USP34: variants seen among roughly 807,000 people sequenced by gnomAD.
USP34 encodes ubiquitin carboxyl-terminal hydrolase 34.
A neutral mutation model predicts 460.3 loss-of-function variants in USP34; 70 were observed. That is an observed-to-expected ratio of 0.15 (90% CI 0.13 to 0.19). The LOEUF is 0.19. USP34 is among the 10% of genes least tolerant of loss of function. USP34 has a pLI of 1.00. For missense variants in USP34, 3,985 were observed against 4,236.2 expected (o/e 0.94, Z 1.65); for synonymous variants, 1,647 against 1,405.3 (o/e 1.17, Z -3.85).
At chr2:61,267,137 T>G (rs552550297) in intron 41 of USP34, among the ~76,000 whole-genome samples, 1 of 152,320 alleles carries the variant, frequency 6.6e-6, no homozygotes, top group South Asian at 2.1e-4. Flanking sequence ...CTTGGTTAAG[T>G]TGCAACTGGC....
chr2:61,221,337 AT>A (rs769890085), intron 66 of USP34, among the ~76,000 whole-genome samples, 164 bp downstream of exon 66: 5 of 152,220 alleles, frequency 3.3e-5, no homozygotes, highest in African/African-American at 7.2e-5. Context: ...AATGTCTTTA[AT>A]ACAACTAGGA....
rs1260058617 is a variant in USP34, at chr2:61,235,959, A to G, written c.6967-49T>C. 3.1e-6 allele frequency: 5 copies of G among 1,598,310 alleles called. No individual in the cohort carries two copies. In the Admixed American group the frequency reaches 9.1e-5, roughly 29 times the overall value. ...GCATATGAACTTCTGAGCCAACAAT[A>G]ACAAAAACCAAAAGATATCTGATAA... is the stretch of plus-strand genomic sequence containing the variant. On this transcript the variant is annotated intron_variant, in intron 56 of 79. Coordinates refer to ENST00000398571, the MANE Select transcript of USP34 (RefSeq NM_014709.4).
At chr2:61,395,411 T>C (rs1260288862) in intron 3 of USP34, among the ~76,000 whole-genome samples, 178 bp from the exon 4 acceptor site, 1 of 152,222 alleles carries the variant, frequency 6.6e-6, no homozygotes, top group Non-Finnish European at 1.5e-5. Flanking sequence ...AGGTGTATTT[T>C]AGTCCTCCTT....
At chr2:61,368,356 C>T (rs1039496559) in intron 10 of USP34, among the ~76,000 whole-genome samples, 10 of 151,816 alleles carry the variant, frequency 6.6e-5, no homozygotes, top group Admixed American at 2.0e-4. Flanking sequence ...CCTTTGAACC[C>T]GGGAGGCAGA....
At position 61,311,681 on chromosome 2, in the gene USP34, T is replaced by A. The variant is rs1690598265; in HGVS notation, c.3676A>T (p.Ile1226Phe). Residue 1226 changes from isoleucine to phenylalanine, a missense_variant, in exon 27 of 80, where the codon ATT (isoleucine) becomes TTT (phenylalanine). Ile to Phe is a conservative substitution (Grantham distance 21, BLOSUM62 0). Coordinates refer to ENST00000398571, the MANE Select transcript of USP34 (RefSeq NM_014709.4). ...QPAGLPDKMTIEMYPSDQVAD... is the reference protein window; with the variant it reads ...QPAGLPDKMTFEMYPSDQVAD... ...ACCTGGTCACTAGGATACATTTCAA[T>A]AGTCATCTGAAATATGAGATGCAAC... is the stretch of plus-strand genomic sequence containing the variant. The A allele has an allele frequency of 3.7e-6, 6 of 1,611,042 alleles. No individual in the cohort carries two copies. The highest frequency in any genetic ancestry group is 5.1e-6 in the Non-Finnish European group (6 of 1,179,008).
intron 5 of USP34, among the ~76,000 whole-genome samples, chr2:61,387,944 CACACACACACACACAT>C (rs2103883634): frequency 6.8e-6 from 1 of 147,320 alleles, no homozygotes; most frequent in Admixed American, 6.9e-5. Context: ...CACACACACA[CACACACACACACACAT>C]ATATATATAT....
At chr2:61,267,819 T>C (rs1201718530) in intron 41 of USP34, among the ~76,000 whole-genome samples, 1 of 152,130 alleles carries the variant, frequency 6.6e-6, no homozygotes, top group South Asian at 2.1e-4. Flanking sequence ...GGTTTCACTG[T>C]GTTAGCCAGG....
At chr2:61,232,346 C>G (rs1052804738) in intron 58 of USP34, 106 bp downstream of exon 58, 37 of 944,432 alleles carry the variant, frequency 3.9e-5, no homozygotes, top group Admixed American at 8.4e-5. Context: ...TCTTTTCAAA[C>G]TATTATCAAT....
intron 10 of USP34, among the ~76,000 whole-genome samples, chr2:61,353,066 C>T (rs1291820082): frequency 1.3e-5 from 2 of 152,244 alleles, no homozygotes; most frequent in East Asian, 1.9e-4. Flanking sequence ...TTCTGACACG[C>T]ACACTCCCAA....
chr2:61,223,199 T>C, intron 63 of USP34, 35 bp from the exon 64 acceptor site: 1 of 1,613,240 alleles, frequency 6.2e-7, no homozygotes, highest in East Asian at 2.2e-5. Flanking sequence ...TTAAGAACCG[T>C]TATTATTTTT....
intron 68 of USP34, 24 bp downstream of exon 68, chr2:61,214,036 T>C: frequency 6.2e-7 from 1 of 1,613,240 alleles, no homozygotes; most frequent in South Asian, 1.1e-5. Context: ...AGGATACAGA[T>C]AAAAGAGTAT....
chr2:61,328,146 G>C (rs917735096), intron 20 of USP34, among the ~76,000 whole-genome samples: 2 of 151,626 alleles, frequency 1.3e-5, no homozygotes, highest in African/African-American at 4.8e-5. Context: ...CTACTAAAAA[G>C]CGAAAACGAG....
chr2:61,278,653 A>G (rs1689444401), intron 39 of USP34, among the ~76,000 whole-genome samples: 1 of 152,182 alleles, frequency 6.6e-6, no homozygotes, highest in Non-Finnish European at 1.5e-5. Flanking sequence ...ACAAAAAAAC[A>G]ATCAATGGAA....
intron 41 of USP34, chr2:61,277,848 G>C (rs1689417283): frequency 4.1e-6 from 1 of 245,800 alleles, no homozygotes; most frequent in Admixed American, 5.2e-5. Context: ...CTGTTCTTGT[G>C]ATAAGTGAAT....
chr2:61,383,197 A>G (rs1175667377), intron 6 of USP34, 72 bp downstream of exon 6: 6 of 1,146,928 alleles, frequency 5.2e-6, no homozygotes, highest in South Asian at 1.7e-5. Flanking sequence ...TTCAAACAAT[A>G]TAATTCTATA....
At chr2:61,318,008 C>T (rs1461708740) in intron 22 of USP34, among the ~76,000 whole-genome samples, 1 of 151,884 alleles carries the variant, frequency 6.6e-6, no homozygotes, top group Non-Finnish European at 1.5e-5. Context: ...GCCTGGGCAA[C>T]ATGGCGAAAT....
chr2:61,464,410 G>A lies in USP34; in HGVS notation c.43+6240C>T, dbSNP rs1461206498. Reference sequence around the variant, plus strand: ...TGAGTTCCATCTCAAATTTGACTATGCAGGTTGACAGGTGATCTTGGCAAA... The same window carrying A: ...TGAGTTCCATCTCAAATTTGACTATACAGGTTGACAGGTGATCTTGGCAAA... On this transcript the variant is annotated intron_variant, in intron 1 of 79. Coordinates refer to ENST00000398571, the MANE Select transcript of USP34 (RefSeq NM_014709.4). Among the ~76,000 whole-genome samples, 2 of 152,200 alleles carry A rather than the reference G, an allele frequency of 1.3e-5. 1 individual carries two copies. The highest frequency in any genetic ancestry group is 4.8e-5 in the African/African-American group (2 of 41,446).
intron 19 of USP34, among the ~76,000 whole-genome samples, chr2:61,332,394 T>C (rs1691298160): frequency 6.6e-6 from 1 of 152,080 alleles, no homozygotes; most frequent in Admixed American, 6.5e-5. Flanking sequence ...CTTGTGGTAA[T>C]GGAAACCCTG....
chr2:61,195,665 C>CT (rs1686779302), intron 75 of USP34, among the ~76,000 whole-genome samples: 4 of 152,216 alleles, frequency 2.6e-5, no homozygotes, highest in Admixed American at 2.6e-4. Context: ...GAGCCAGACT[C>CT]TGTCTCAAAC....
Sources: allele counts gnomAD v4.1 joint callset (sites outside exome capture counted in the v4.1 genomes callset), GRCh38; gene constraint gnomAD v4.1.1; transcripts MANE v1.5; gene names NCBI Gene and HGNC (gene_info 2026-07-23, HGNC 2026-07-21).